PTPRM: variants seen among roughly 807,000 people sequenced by gnomAD.
PTPRM encodes the protein protein tyrosine phosphatase receptor type M.
Under a neutral mutation model 186.7 loss-of-function variants are expected in PTPRM, and 47 were observed. That is an observed-to-expected ratio of 0.25 (90% confidence interval 0.20 to 0.32). The LOEUF (loss-of-function observed/expected upper bound fraction) is 0.32, where lower values mean the gene tolerates loss of function less well. PTPRM is among the 10% of genes least tolerant of loss of function. The probability of loss-of-function intolerance (pLI) is 1.00; values close to 1 mark genes in which losing one functional copy is unlikely to be tolerated. For synonymous variants in PTPRM, 668 were observed against 674.9 expected (o/e 0.99, Z 0.16); for missense variants, 1,494 against 1,865.0 (o/e 0.80, Z 3.66).
intron 22 of PTPRM, among the ~76,000 whole-genome samples, chr18:8,334,294 C>G (rs1271460036): frequency 1.3e-5 from 2 of 152,212 alleles, no homozygotes; most frequent in South Asian, 4.1e-4. Flanking sequence ...ACACTGTCTT[C>G]CTAGTACAGC....
chr18:7,930,126 T>C (rs1296893563), intron 5 of PTPRM, among the ~76,000 whole-genome samples: 1 of 152,124 alleles, frequency 6.6e-6, no homozygotes, highest in African/African-American at 2.4e-5. Context: ...TGGAGTGCAG[T>C]GGCATGATCT....
intron 3 of PTPRM, among the ~76,000 whole-genome samples, chr18:7,899,530 G>C (rs1349586802): frequency 2.0e-5 from 3 of 152,152 alleles, no homozygotes; most frequent in African/African-American, 7.2e-5. Flanking sequence ...GTGACTCTGT[G>C]ATTCTGTCAG....
intron 2 of PTPRM, among the ~76,000 whole-genome samples, chr18:7,790,963 C>A (rs1236159160): frequency 1.3e-5 from 2 of 151,444 alleles, no homozygotes; most frequent in African/African-American, 4.8e-5. Context: ...CAATAAAAAA[C>A]AAATTGTGAT....
chr18:7,905,920 C>T (rs2049956798), intron 3 of PTPRM, among the ~76,000 whole-genome samples: 1 of 152,206 alleles, frequency 6.6e-6, no homozygotes, highest in South Asian at 2.1e-4. Flanking sequence ...CAATCTGAAT[C>T]TTAACGTTGT....
At chr18:8,084,610 A>G (rs548428313) in intron 9 of PTPRM, among the ~76,000 whole-genome samples, 40 of 152,344 alleles carry the variant, frequency 2.6e-4, no homozygotes, top group South Asian at 8.3e-4. Context: ...AAGAATGTCA[A>G]TTATCACTTC....
intron 6 of PTPRM, among the ~76,000 whole-genome samples, chr18:7,952,425 A>G (rs151110199): frequency 0.022 from 3,284 of 152,258 alleles, 46 homozygotes; most frequent in African/African-American, 0.045. Flanking sequence ...GTGGCCGGGC[A>G]CAGTGGCTCA....
At chr18:8,186,225 C>T (rs2093639607) in intron 14 of PTPRM, among the ~76,000 whole-genome samples, 1 of 150,926 alleles carries the variant, frequency 6.6e-6, no homozygotes, top group South Asian at 2.1e-4. Flanking sequence ...ACTAGGGAGC[C>T]TGAGGCAGGA....
chr18:8,067,326 T>G (rs772582717), intron 7 of PTPRM, among the ~76,000 whole-genome samples: 4 of 152,204 alleles, frequency 2.6e-5, no homozygotes, highest in Non-Finnish European at 4.4e-5. Context: ...GACATTTCCG[T>G]TAAGTTGTAA....
intron 14 of PTPRM, among the ~76,000 whole-genome samples, chr18:8,146,012 ATTTC>A (rs2092875577): frequency 2.4e-5 from 3 of 125,486 alleles, no homozygotes; most frequent in African/African-American, 9.0e-5. Flanking sequence ...CTGACTTTTT[ATTTC>A]TTTCTTTTCT....
rs1191573096 is a variant in PTPRM, at chr18:8,089,327, A to G, written c.1856+476A>G. 6.6e-5 allele frequency among the ~76,000 whole-genome samples: 10 copies of G among 152,328 alleles called. No homozygotes were observed. In the South Asian group the frequency reaches 1.9e-3, roughly 28 times the overall value. On this transcript the variant is annotated intron_variant, in intron 11 of 32. Transcript: ENST00000580170. ...TAGTTTTTTGAAAAAATAACAGATTATTGGAAAGAACATTGTGAAGTCTTT... is the reference window on the plus strand; with the variant it reads ...TAGTTTTTTGAAAAAATAACAGATTGTTGGAAAGAACATTGTGAAGTCTTT...
rs368312783 is a variant in PTPRM at position 7,997,895 on chromosome 18, C to T, written c.1132+42481C>T. On this transcript the variant is annotated intron_variant, in intron 7 of 32. Coordinates refer to ENST00000580170, the MANE Select transcript of PTPRM (RefSeq NM_001105244.2). ...GTTATAACAGATACTGGCAAGGATG[C>T]AGAGAAAGGAGAACTCTCATGTCAA... 2.6e-5 allele frequency among the ~76,000 whole-genome samples: 4 copies of T among 152,114 alleles called. No homozygotes were observed. The East Asian group carries it at 5.8e-4, about 22-fold the overall frequency.
chr18:7,658,357 T>TATATAC (rs1555647615), intron 1 of PTPRM, among the ~76,000 whole-genome samples: 1 of 138,106 alleles, frequency 7.2e-6, no homozygotes, highest in East Asian at 2.2e-4. Context: ...TATATATATA[T>TATATAC]ATACATACAC....
At chr18:8,349,914 C>G (rs186381787) in intron 23 of PTPRM, among the ~76,000 whole-genome samples, 1 of 152,198 alleles carries the variant, frequency 6.6e-6, no homozygotes, top group Admixed American at 6.5e-5. Flanking sequence ...CTGGTCACCC[C>G]AGCATCCACA....
In PTPRM at chr18:8,296,439, C is replaced by T. The variant is rs368053392; in HGVS notation, c.2826C>T (p.Tyr942=). ...KKDENRMKNR[Y]GNIIAYDHSR... is the part of the protein sequence containing the mutation. ...ATGAGAACAGAATGAAGAACAGATA[C>T]GGGAATATCATTGCATGTAAGTGTC... is the stretch of plus-strand genomic sequence containing the variant. The change falls in exon 20 of 33, where the codon TAC becomes TAT. Residue 942 remains tyrosine (Y), a synonymous_variant. Transcript: ENST00000580170. 230 of 1,605,574 alleles carry T rather than the reference C, an allele frequency of 1.4e-4. No homozygotes were observed. Among genetic ancestry groups the T allele is most frequent in the Non-Finnish European group, 1.8e-4 (213 of 1,172,558 alleles).
intron 1 of PTPRM, among the ~76,000 whole-genome samples, chr18:7,715,110 A>G (rs74859302): frequency 0.027 from 4,154 of 152,284 alleles, 179 homozygotes; most frequent in African/African-American, 0.094. Flanking sequence ...AATCCTCAAT[A>G]AAATAATGAC....
At chr18:7,979,959 C>T (rs929962292) in intron 7 of PTPRM, among the ~76,000 whole-genome samples, 1 of 152,176 alleles carries the variant, frequency 6.6e-6, no homozygotes, top group Non-Finnish European at 1.5e-5. Flanking sequence ...TGTCTTCAGC[C>T]CAGCTCTCGC....
intron 14 of PTPRM, among the ~76,000 whole-genome samples, chr18:8,199,466 T>C (rs2093823585): frequency 1.3e-5 from 2 of 152,156 alleles, no homozygotes; most frequent in African/African-American, 4.8e-5. Context: ...TCAGCAGAGC[T>C]CTTTGATGAT....
chr18:7,990,786 G>A (rs1331016024), intron 7 of PTPRM, among the ~76,000 whole-genome samples: 1 of 152,130 alleles, frequency 6.6e-6, no homozygotes, highest in Non-Finnish European at 1.5e-5. Flanking sequence ...GATAGACTCT[G>A]TGTTAATGTC....
At chr18:7,940,175 A>G (rs1437691155) in intron 5 of PTPRM, among the ~76,000 whole-genome samples, 1 of 152,160 alleles carries the variant, frequency 6.6e-6, no homozygotes, top group Non-Finnish European at 1.5e-5. Context: ...CTTAAAATCA[A>G]TTTAGTCACT....
Sources: gnomAD v4.1 joint callset for allele counts (sites outside exome capture counted in the v4.1 genomes callset) on GRCh38, gnomAD v4.1.1 for gene constraint, MANE v1.5 for transcripts, NCBI Gene and HGNC (gene_info 2026-07-23, HGNC 2026-07-21) for gene names.